Variants in MIB1 observed in about 807,000 individuals in gnomAD.
MIB1 encodes MIB E3 ubiquitin protein ligase 1.
Under a neutral mutation model 124.5 loss-of-function variants are expected in MIB1, and 278 were observed. That is an observed-to-expected ratio of 2.23 (90% CI 2.02 to 2.47). The LOEUF (loss-of-function observed/expected upper bound fraction) is 2.47. Ranked by LOEUF, MIB1 falls within the 30% of genes most tolerant of loss-of-function variation. MIB1 has a pLI of 0.00. For synonymous variants in MIB1, 446 were observed against 429.4 expected (o/e 1.04, Z -0.48); for missense variants, 957 against 1,254.4 (o/e 0.76, Z 3.58).
chr18:21,773,242 C>T (rs570238351), intron 3 of MIB1, among the ~76,000 whole-genome samples: 7 of 152,128 alleles, frequency 4.6e-5, no homozygotes, highest in East Asian at 1.9e-4. Flanking sequence ...CCAGCCCGGG[C>T]GACAAGAGCG....
chr18:21,807,532 G>A (rs1276416147), intron 10 of MIB1, among the ~76,000 whole-genome samples: 3 of 152,204 alleles, frequency 2.0e-5, no homozygotes, highest in African/African-American at 7.2e-5. Flanking sequence ...TATATAGTTT[G>A]TTTAATACAT....
At chr18:21,806,923 A>T (rs1033069469) in intron 10 of MIB1, among the ~76,000 whole-genome samples, 16 of 152,192 alleles carry the variant, frequency 1.1e-4, no homozygotes, top group African/African-American at 3.9e-4. Context: ...GCCCAGCCAA[A>T]TAATGTATTT....
intron 1 of MIB1, among the ~76,000 whole-genome samples, chr18:21,731,085 TC>T (rs914478484): frequency 1.3e-5 from 2 of 152,198 alleles, no homozygotes; most frequent in African/African-American, 4.8e-5. Context: ...ATTTCTTTGA[TC>T]CATTAAAATG....
At chr18:21,777,970 A>AGT (rs2041310813) in intron 4 of MIB1, 133 bp from the exon 5 acceptor site, 1 of 623,878 alleles carries the variant, frequency 1.6e-6, no homozygotes, top group African/African-American at 1.9e-5. Flanking sequence ...AGCAGTGTTT[A>AGT]GTGTGATTGT....
intron 12 of MIB1, among the ~76,000 whole-genome samples, chr18:21,837,018 A>C (rs2042039105): frequency 1.3e-5 from 2 of 152,314 alleles, no homozygotes; most frequent in African/African-American, 4.8e-5. Context: ...CATGAATGGG[A>C]TTTAGGAGTT....
At chr18:21,809,342 G>T (rs938587374) in intron 10 of MIB1, among the ~76,000 whole-genome samples, 4 of 151,974 alleles carry the variant, frequency 2.6e-5, no homozygotes, top group African/African-American at 9.7e-5. Context: ...ATTTAAAAAA[G>T]AACTAATATT....
chr18:21,706,672 T>C (rs1035645928), intron 1 of MIB1, among the ~76,000 whole-genome samples: 1 of 152,068 alleles, frequency 6.6e-6, no homozygotes. Flanking sequence ...CCAGCAGCTG[T>C]GGAGGGTGCC....
intron 20 of MIB1, among the ~76,000 whole-genome samples, chr18:21,860,096 G>GTTTTTTT (rs1568230537): frequency 1.9e-5 from 1 of 53,296 alleles, no homozygotes; most frequent in African/African-American, 1.1e-4. Context: ...TGTTCTTTAT[G>GTTTTTTT]TCTTTTTTTT....
chr18:21,768,442 CCAT>C (rs1428303928), intron 2 of MIB1, among the ~76,000 whole-genome samples, 178 bp from the exon 3 acceptor site: 1 of 152,074 alleles, frequency 6.6e-6, no homozygotes, highest in Non-Finnish European at 1.5e-5. Flanking sequence ...GCTACTACTG[CCAT>C]CATCATCATC....
At position 21,849,361 on chromosome 18, in the gene MIB1, TA is replaced by T; in HGVS notation, c.2562del (p.Glu855AsnfsTer39). ...SPRVKKCLIC[K>X]EQVQSRTKIE... ...CACGTGTCAAGAAATGCCTCATCTGTAAAGAACAGGTTCAATCCAGGACAAA... is the reference window on the plus strand; with the variant it reads ...CACGTGTCAAGAAATGCCTCATCTGTAAGAACAGGTTCAATCCAGGACAAA... On this transcript the variant is annotated frameshift_variant, in exon 17 of 21. Transcript: ENST00000261537. LOFTEE classifies it high-confidence loss of function. The T allele has an allele frequency of 6.2e-7, 1 of 1,611,584 alleles. No individual in the cohort carries two copies. The highest frequency in any genetic ancestry group is 8.5e-7 in the Non-Finnish European group (1 of 1,178,836).
intron 12 of MIB1, among the ~76,000 whole-genome samples, chr18:21,835,616 A>T (rs2042019745): frequency 6.6e-6 from 1 of 151,440 alleles, no homozygotes; most frequent in African/African-American, 2.4e-5. Flanking sequence ...AAATACACAT[A>T]AAAAATTAGC....
intron 1 of MIB1, among the ~76,000 whole-genome samples, chr18:21,730,453 G>A (rs1362062182): frequency 6.6e-6 from 1 of 152,124 alleles, no homozygotes. Flanking sequence ...CTGTAGTCCT[G>A]GCTGCTCAGG....
intron 1 of MIB1, among the ~76,000 whole-genome samples, chr18:21,726,554 C>T (rs528658873): frequency 2.6e-5 from 4 of 152,176 alleles, no homozygotes; most frequent in South Asian, 2.1e-4. Context: ...AATAGAGTTC[C>T]GTAATTATAA....
intron 4 of MIB1, among the ~76,000 whole-genome samples, chr18:21,776,014 C>T (rs2041280682): frequency 6.6e-6 from 1 of 152,110 alleles, no homozygotes; most frequent in Non-Finnish European, 1.5e-5. Flanking sequence ...CACCTGTAAT[C>T]CCAGCACCAT....
At chr18:21,757,762 A>G (rs1256217360) in intron 1 of MIB1, among the ~76,000 whole-genome samples, 1 of 152,096 alleles carries the variant, frequency 6.6e-6, no homozygotes. Context: ...CTGGGATTAC[A>G]GATGTGAGCC....
intron 1 of MIB1, among the ~76,000 whole-genome samples, chr18:21,730,565 C>CT (rs35165724): frequency 0.012 from 1,872 of 152,152 alleles, 48 homozygotes; most frequent in African/African-American, 0.043. Context: ...AAGACTCTGT[C>CT]TAAAAAAAAC....
Position 21,843,188 on chromosome 18 carries a change from G to A in MIB1, c.2020G>A (p.Val674Ile). The A allele has an allele frequency of 1.3e-6, 2 of 1,599,372 alleles. No homozygotes were observed. Among genetic ancestry groups the A allele is most frequent in the Non-Finnish European group, 1.7e-6 (2 of 1,174,332 alleles). The change falls in exon 14 of 21, where the codon GTT becomes ATT. Residue 674 changes from valine (V) to isoleucine (I), a missense_variant. Physicochemically the swap from Val to Ile is conservative, Grantham distance 29. Coordinates refer to ENST00000261537, the MANE Select transcript of MIB1 (RefSeq NM_020774.4). ...VNQQTALHLA[V>I]ERQHTQIVRL... ...CCAACAAACTGCCCTACACCTTGCT[G>A]TTGAACGACAGCATACCCAGATTGT... is the stretch of plus-strand genomic sequence containing the variant.
At chr18:21,713,847 C>T (rs1359349573) in intron 1 of MIB1, among the ~76,000 whole-genome samples, 1 of 151,312 alleles carries the variant, frequency 6.6e-6, no homozygotes, top group Non-Finnish European at 1.5e-5. Flanking sequence ...GATCCACCCT[C>T]CTCGGCCTCC....
At chr18:21,820,267 A>G (rs1470060205) in intron 12 of MIB1, among the ~76,000 whole-genome samples, 1 of 152,202 alleles carries the variant, frequency 6.6e-6, no homozygotes, top group Non-Finnish European at 1.5e-5. Context: ...ACTTTTTGGA[A>G]CAACTTTACC....
Sources: allele counts gnomAD v4.1 joint callset (sites outside exome capture counted in the v4.1 genomes callset), GRCh38; gene constraint gnomAD v4.1.1; transcripts MANE v1.5; gene names NCBI Gene and HGNC (gene_info 2026-07-23, HGNC 2026-07-21).